Variants in ABCB1 observed in about 807,000 individuals in gnomAD.
ABCB1 encodes the protein ATP-dependent translocase ABCB1.
ABCB1 carries 69 observed loss-of-function variants against 142.0 expected under a neutral mutation model. The observed-to-expected ratio is 0.49, with a 90% confidence interval of 0.40 to 0.59. The LOEUF (loss-of-function observed/expected upper bound fraction) is 0.59. Among genes scored for constraint, ABCB1 ranks in the 20% least tolerant of loss-of-function variants. The pLI, the probability that ABCB1 is intolerant of heterozygous loss-of-function variation, is 0.00. For missense variants in ABCB1, 1,326 were observed against 1,554.7 expected, an observed-to-expected ratio of 0.85 and a Z score of 2.47; for synonymous variants, 532 against 539.2, an observed-to-expected ratio of 0.99 and a Z score of 0.18.
intron 14 of ABCB1, 78 bp downstream of exon 14, chr7:87,549,270 G>C (rs1816940011): frequency 1.3e-6 from 2 of 1,572,260 alleles, no homozygotes; most frequent in African/African-American, 1.4e-5. Flanking sequence ...CCTTTTCTAA[G>C]ACCAATATTA....
intron 20 of ABCB1, among the ~76,000 whole-genome samples, chr7:87,534,974 A>G (rs904909441): frequency 2.8e-4 from 43 of 151,460 alleles, no homozygotes; most frequent in African/African-American, 9.9e-4. Flanking sequence ...AGGTAAAAGA[A>G]TTTGGAGTCA....
chr7:87,679,209 C>A (rs1408978549), intron 1 of ABCB1, among the ~76,000 whole-genome samples: 1 of 147,468 alleles, frequency 6.8e-6, no homozygotes, highest in African/African-American at 2.6e-5. Context: ...TCTCCTGCCT[C>A]AGCCTCCCAA....
chr7:87,642,433 A>G (rs1438980671), intron 1 of ABCB1, among the ~76,000 whole-genome samples: 1 of 152,048 alleles, frequency 6.6e-6, no homozygotes, highest in East Asian at 1.9e-4. Flanking sequence ...TTGTTCTTGG[A>G]TAAAGAATAA....
chr7:87,627,910 G>C, intron 1 of ABCB1: 1 of 152,352 alleles, frequency 6.6e-6, no homozygotes. Context: ...GACGCGCCAA[G>C]AAGGAGATTC....
At chr7:87,600,281 G>C (rs960125756) in intron 1 of ABCB1, 91 bp from the exon 2 acceptor site, 13 of 1,090,396 alleles carry the variant, frequency 1.2e-5, no homozygotes, top group Non-Finnish European at 1.5e-5. Context: ...CGAAGCCAGA[G>C]AGCAGTAAGA....
intron 4 of ABCB1, among the ~76,000 whole-genome samples, chr7:87,578,193 A>G (rs567790748): frequency 1.3e-5 from 2 of 152,270 alleles, no homozygotes; most frequent in South Asian, 4.1e-4. Context: ...TCCCCAATAT[A>G]CATTCTTAGA....
chr7:87,623,096 C>T (rs908064710), intron 1 of ABCB1, among the ~76,000 whole-genome samples: 1 of 152,098 alleles, frequency 6.6e-6, no homozygotes, highest in East Asian at 1.9e-4. Flanking sequence ...ATTTAGATTT[C>T]AATCCTGGCT....
At chr7:87,578,984 C>T (rs372224408) in intron 4 of ABCB1, among the ~76,000 whole-genome samples, 1 of 152,178 alleles carries the variant, frequency 6.6e-6, no homozygotes, top group South Asian at 2.1e-4. Context: ...TGAGCCACCG[C>T]GCCCGGCCGA....
intron 1 of ABCB1, among the ~76,000 whole-genome samples, chr7:87,678,892 T>A (rs887190720): frequency 1.3e-5 from 2 of 151,982 alleles, no homozygotes; most frequent in African/African-American, 4.8e-5. Flanking sequence ...AAAACCAAAG[T>A]ATGTATGCAG....
At chr7:87,703,885 C>CTTTTTTTTTTTTTTTTT in intron 1 of ABCB1, among the ~76,000 whole-genome samples, 41 of 60,258 alleles carry the variant, frequency 6.8e-4, no homozygotes, top group African/African-American at 9.4e-4. Flanking sequence ...TCAGTTTTTT[C>CTTTTTTTTTTTTTTTTT]TTTTTTTTTT....
In ABCB1 at chr7:87,585,647, T is replaced by A; in HGVS notation, c.151A>T (p.Met51Leu). The A allele has an allele frequency of 6.2e-7, 1 of 1,613,920 alleles. No individual in the cohort carries two copies. Among genetic ancestry groups the A allele is most frequent in the Non-Finnish European group, 8.5e-7 (1 of 1,179,894 alleles). Residue 51 changes from methionine to leucine, a missense_variant, in exon 4 of 28, where the codon ATG (methionine) becomes TTG (leucine). Transcript: ENST00000622132. ...RYSNWLDKLY[M>L]VVGTLAAIIH... The stretch of plus-strand genomic sequence containing the variant: ...ATGGCAGCCAAAGTTCCCACCACCA[T>A]ATACAACTTGTCAAGCCAATTTGAA...
Position 87,545,933 on chromosome 7 carries a change from A to G in ABCB1, c.1817T>C (p.Ile606Thr). 2 of 1,614,182 alleles carry G rather than the reference A, an allele frequency of 1.2e-6. No individual in the cohort carries two copies. Among genetic ancestry groups the G allele is most frequent in the East Asian group, 2.2e-5 (1 of 44,882 alleles). ...DVIAGFDDGV[I>T]VEKGNHDELM... ...TTCATCATGATTTCCTTTCTCCACA[A>G]TGACTCCATCATCGAAACCAGCGAT... Residue 606 changes from isoleucine to threonine, a missense_variant, in exon 15 of 28, where the codon ATT becomes ACT. Ile to Thr is a moderately conservative substitution (Grantham distance 89). Transcript: ENST00000622132.
At chr7:87,641,117 T>A (rs899949499) in intron 1 of ABCB1, among the ~76,000 whole-genome samples, 1 of 152,210 alleles carries the variant, frequency 6.6e-6, no homozygotes, top group African/African-American at 2.4e-5. Context: ...CAATGTTTAT[T>A]AAGTTATTTC....
intron 3 of ABCB1, among the ~76,000 whole-genome samples, chr7:87,589,475 G>A (rs1818895719): frequency 6.6e-6 from 1 of 152,082 alleles, no homozygotes; most frequent in African/African-American, 2.4e-5. Flanking sequence ...TAAACTAATT[G>A]TAATAGGAGC....
intron 4 of ABCB1, among the ~76,000 whole-genome samples, chr7:87,575,764 T>C (rs1818245666): frequency 6.6e-6 from 1 of 152,184 alleles, no homozygotes; most frequent in African/African-American, 2.4e-5. Context: ...GAGCTGTTTA[T>C]ATACCTCTGG....
At chr7:87,626,276 TATATATGTGTCATATATG>T (rs1820510601) in intron 1 of ABCB1, among the ~76,000 whole-genome samples, 1 of 66,412 alleles carries the variant, frequency 1.5e-5, no homozygotes, top group Admixed American at 1.9e-4. Context: ...ATATGTGTCA[TATATATGTGTCATATATG>T]TGTCATATAT....
chr7:87,639,153 C>CAAAAA (rs71117547), intron 1 of ABCB1, among the ~76,000 whole-genome samples: 20 of 87,706 alleles, frequency 2.3e-4, no homozygotes, highest in African/African-American at 8.9e-4. Context: ...GACTCCGTCT[C>CAAAAA]AAAAAAAAAA....
At chr7:87,694,263 A>G (rs1236435417) in intron 1 of ABCB1, among the ~76,000 whole-genome samples, 1 of 152,150 alleles carries the variant, frequency 6.6e-6, no homozygotes, top group Non-Finnish European at 1.5e-5. Context: ...TGAATATTCC[A>G]GTCTCAGTAA....
intron 8 of ABCB1, among the ~76,000 whole-genome samples, chr7:87,559,446 T>C (rs1817455795): frequency 6.6e-6 from 1 of 152,068 alleles, no homozygotes; most frequent in African/African-American, 2.4e-5. Flanking sequence ...TTTTTGTTCC[T>C]GATTAAACAT....
Sources: gnomAD v4.1 joint callset for allele counts (sites outside exome capture counted in the v4.1 genomes callset) on GRCh38, gnomAD v4.1.1 for gene constraint, MANE v1.5 for transcripts, NCBI Gene and HGNC (gene_info 2026-07-23, HGNC 2026-07-21) for gene names.